Variants in FHIT observed in about 807,000 individuals in gnomAD.
FHIT encodes the protein fragile histidine triad diadenosine triphosphatase, also known as bis(5'-adenosyl)-triphosphatase.
A neutral mutation model predicts 17.9 loss-of-function variants in FHIT; 19 were observed. That is an observed-to-expected ratio of 1.06 (90% CI 0.74 to 1.56). The LOEUF (loss-of-function observed/expected upper bound fraction) is 1.56. Among genes scored for constraint, FHIT ranks in the 40% most tolerant of loss-of-function variants. The probability of loss-of-function intolerance (pLI) is 0.00; values close to 1 mark genes in which losing one functional copy is unlikely to be tolerated. For missense variants in FHIT, 248 were observed against 189.2 expected, an observed-to-expected ratio of 1.31 and a Z score of -1.82; for synonymous variants, 81 against 69.7, an observed-to-expected ratio of 1.16 and a Z score of -0.81.
intron 5 of FHIT, among the ~76,000 whole-genome samples, chr3:60,512,014 C>T (rs975005800): frequency 1.3e-5 from 2 of 151,958 alleles, no homozygotes; most frequent in Admixed American, 6.6e-5. Context: ...AAAGTTCTTC[C>T]TTACAGAATA....
At chr3:60,422,784 C>G (rs1702525029) in intron 5 of FHIT, among the ~76,000 whole-genome samples, 1 of 152,038 alleles carries the variant, frequency 6.6e-6, no homozygotes, top group South Asian at 2.1e-4. Flanking sequence ...ATCACAAACT[C>G]CAAATATTAA....
intron 5 of FHIT, among the ~76,000 whole-genome samples, chr3:60,100,454 T>C (rs1268976915): frequency 1.3e-5 from 2 of 152,190 alleles, no homozygotes; most frequent in Non-Finnish European, 2.9e-5. Context: ...CAAAATCACT[T>C]GCTTTGACTC....
chr3:59,792,860 G>T (rs1455028788), intron 8 of FHIT, among the ~76,000 whole-genome samples: 1 of 130,850 alleles, frequency 7.6e-6, no homozygotes, highest in Admixed American at 7.3e-5. Context: ...TAGTTTGGAG[G>T]TCCTTATTTT....
intron 3 of FHIT, among the ~76,000 whole-genome samples, chr3:60,866,532 G>C (rs1295691921): frequency 2.0e-5 from 3 of 152,110 alleles, no homozygotes; most frequent in Non-Finnish European, 4.4e-5. Flanking sequence ...GGATCTTACA[G>C]CCCCAGTCAA....
At chr3:59,885,487 T>A (rs940751138) in intron 8 of FHIT, among the ~76,000 whole-genome samples, 1 of 151,180 alleles carries the variant, frequency 6.6e-6, no homozygotes, top group Non-Finnish European at 1.5e-5. Context: ...TTTGATTTGG[T>A]CCAAGCTATT....
chr3:60,571,076 C>G (rs1576901573), intron 4 of FHIT, among the ~76,000 whole-genome samples: 1 of 151,910 alleles, frequency 6.6e-6, no homozygotes, highest in African/African-American at 2.4e-5. Flanking sequence ...ACCTGTAATC[C>G]CAGCACTTTG....
chr3:60,506,706 A>G (rs2034745620), intron 5 of FHIT, among the ~76,000 whole-genome samples: 1 of 152,172 alleles, frequency 6.6e-6, no homozygotes, highest in Non-Finnish European at 1.5e-5. Context: ...CCTCTACCAT[A>G]GGAGCAAAAT....
intron 8 of FHIT, among the ~76,000 whole-genome samples, chr3:59,907,717 C>G (rs73841806): frequency 0.032 from 4,913 of 152,260 alleles, 276 homozygotes; most frequent in African/African-American, 0.11. Flanking sequence ...GCTACTATAA[C>G]AAATTTCCAC....
intron 5 of FHIT, among the ~76,000 whole-genome samples, chr3:60,275,601 T>C (rs112906409): frequency 3.3e-4 from 50 of 152,234 alleles, no homozygotes; most frequent in African/African-American, 9.9e-4. Context: ...AAACCTGAGT[T>C]CACAGATGTT....
intron 4 of FHIT, among the ~76,000 whole-genome samples, chr3:60,736,838 C>G (rs2042142746): frequency 6.6e-6 from 1 of 152,034 alleles, no homozygotes; most frequent in Non-Finnish European, 1.5e-5. Flanking sequence ...AAAATGGTAG[C>G]CTATTCTGAT....
intron 2 of FHIT, among the ~76,000 whole-genome samples, chr3:61,088,600 C>T (rs62268761): frequency 0.029 from 4,410 of 152,186 alleles, 96 homozygotes; most frequent in Non-Finnish European, 0.044. Context: ...GGAAACTGTG[C>T]TCCAACAGGA....
At chr3:60,901,836 A>T (rs1198785673) in intron 3 of FHIT, among the ~76,000 whole-genome samples, 8 of 152,158 alleles carry the variant, frequency 5.3e-5, no homozygotes, top group Admixed American at 4.6e-4. Context: ...GGTGGTGAAA[A>T]ATACACTGAG....
intron 8 of FHIT, among the ~76,000 whole-genome samples, chr3:59,856,169 G>A (rs1397927034): frequency 1.3e-5 from 2 of 152,110 alleles, no homozygotes; most frequent in South Asian, 2.1e-4. Flanking sequence ...ATAATAAATG[G>A]CTATTGTCAA....
intron 7 of FHIT, among the ~76,000 whole-genome samples, chr3:59,975,019 C>G (rs188423358): frequency 1.1e-3 from 172 of 152,236 alleles, no homozygotes; most frequent in Admixed American, 2.3e-3. Context: ...CGCCACTTAA[C>G]ATGTGCATAT....
chr3:59,994,735 A>G (rs1699433825), intron 7 of FHIT, among the ~76,000 whole-genome samples: 1 of 152,036 alleles, frequency 6.6e-6, no homozygotes, highest in South Asian at 2.1e-4. Flanking sequence ...CCAAAGCCCA[A>G]ACTGGTTACA....
intron 7 of FHIT, among the ~76,000 whole-genome samples, chr3:59,956,746 GC>G (rs1467999976): frequency 2.0e-5 from 3 of 152,176 alleles, no homozygotes; most frequent in African/African-American, 7.2e-5. Flanking sequence ...AAGAACAGTA[GC>G]CACCTCACAT....
chr3:61,108,549 A>C (rs776701664), intron 2 of FHIT, among the ~76,000 whole-genome samples: 1 of 152,222 alleles, frequency 6.6e-6, no homozygotes, highest in African/African-American at 2.4e-5. Flanking sequence ...TGACCTGGCA[A>C]AGGCATTACC....
At chr3:60,299,655 G>C (rs1270274126) in intron 5 of FHIT, among the ~76,000 whole-genome samples, 1 of 152,054 alleles carries the variant, frequency 6.6e-6, no homozygotes, top group Non-Finnish European at 1.5e-5. Flanking sequence ...CTTCTCTACT[G>C]TTGGTAGAGG....
chr3:59,925,308 G>T (rs562822434), intron 7 of FHIT, among the ~76,000 whole-genome samples: 2 of 152,130 alleles, frequency 1.3e-5, no homozygotes, highest in African/African-American at 2.4e-5. Flanking sequence ...TTCTCACTAT[G>T]TTGCCCAGTC....
Sources: gnomAD v4.1 joint callset for allele counts (sites outside exome capture counted in the v4.1 genomes callset) on GRCh38, gnomAD v4.1.1 for gene constraint, MANE v1.5 for transcripts, NCBI Gene and HGNC (gene_info 2026-07-23, HGNC 2026-07-21) for gene names.